The following TAFA2 variants were observed in gnomAD, a reference collection of about 807,000 sequenced individuals.
The protein encoded by TAFA2 is chemokine-like protein TAFA-2.
A neutral mutation model predicts 18.8 loss-of-function variants in TAFA2; 7 were observed. That is an observed-to-expected ratio of 0.37 (90% CI 0.21 to 0.70). The LOEUF is 0.70. Ranked by LOEUF, TAFA2 falls within the 30% of genes least tolerant of loss-of-function variation. TAFA2 has a pLI of 0.53. For missense variants in TAFA2, 122 were observed against 158.1 expected (o/e 0.77, Z 1.23); for synonymous variants, 60 against 54.2 (o/e 1.11, Z -0.47).
intron 2 of TAFA2, among the ~76,000 whole-genome samples, chr12:61,865,677 AG>A (rs1874323843): frequency 6.6e-6 from 1 of 152,230 alleles, no homozygotes; most frequent in African/African-American, 2.4e-5. Context: ...GTCTTAAAGT[AG>A]CTTTAACAAT....
intron 1 of TAFA2, among the ~76,000 whole-genome samples, chr12:62,055,337 A>C (rs1390781751): frequency 6.6e-6 from 1 of 152,232 alleles, no homozygotes; most frequent in African/African-American, 2.4e-5. Context: ...CATATACTTC[A>C]GAATACTAAA....
At chr12:62,118,369 A>G (rs1870050906) in intron 1 of TAFA2, among the ~76,000 whole-genome samples, 1 of 151,744 alleles carries the variant, frequency 6.6e-6, no homozygotes, top group South Asian at 2.1e-4. Context: ...TTATTCATCC[A>G]CTCTCCTACT....
At chr12:62,245,499 A>C (rs948503428) in intron 1 of TAFA2, among the ~76,000 whole-genome samples, 1 of 151,532 alleles carries the variant, frequency 6.6e-6, no homozygotes, top group African/African-American at 2.4e-5. Context: ...TTTTCCTCTT[A>C]TCTCACAATT....
At chr12:61,887,454 T>G (rs368198077) in intron 1 of TAFA2, among the ~76,000 whole-genome samples, 150 of 152,092 alleles carry the variant, frequency 9.9e-4, no homozygotes, top group African/African-American at 3.4e-3. Flanking sequence ...TTTATTATAC[T>G]TTAAGTTTTA....
At chr12:62,085,996 T>G (rs1317746361) in intron 1 of TAFA2, among the ~76,000 whole-genome samples, 3 of 152,092 alleles carry the variant, frequency 2.0e-5, no homozygotes, top group Non-Finnish European at 4.4e-5. Flanking sequence ...TGAAGAAGTT[T>G]CTTGCTTTCC....
rs571504735 is a variant in TAFA2 at position 61,909,014 on chromosome 12, C to A, written c.-1-41588G>T. On this transcript the variant is annotated intron_variant, in intron 1 of 4. Transcript: ENST00000416284. ...AGGAAGCAAGTTTTGCGTGAAGGAG[C>A]CTGCACTTCACTGTCGGACAGTTAC... Among the ~76,000 whole-genome samples, 266 of 152,246 alleles carry A rather than the reference C, an allele frequency of 1.7e-3. 1 individual carries two copies. Among genetic ancestry groups the A allele is most frequent in the Non-Finnish European group, 3.3e-3 (225 of 68,018 alleles).
intron 2 of TAFA2, among the ~76,000 whole-genome samples, chr12:61,791,393 AG>A (rs1313529906): frequency 6.6e-6 from 1 of 151,862 alleles, no homozygotes; most frequent in Non-Finnish European, 1.5e-5. Flanking sequence ...CATACAAAAA[AG>A]CTTCAGCATA....
At chr12:62,181,864 T>C (rs1340843538) in intron 1 of TAFA2, among the ~76,000 whole-genome samples, 1 of 152,142 alleles carries the variant, frequency 6.6e-6, no homozygotes, top group African/African-American at 2.4e-5. Context: ...TTCAATCCTA[T>C]AGGAATCACT....
At chr12:61,727,209 T>C (rs1870208590) in intron 4 of TAFA2, among the ~76,000 whole-genome samples, 1 of 151,876 alleles carries the variant, frequency 6.6e-6, no homozygotes. Flanking sequence ...GTTATCTGGT[T>C]TTGAAATTAA....
chr12:61,793,319 T>C (rs1565635702), intron 2 of TAFA2, among the ~76,000 whole-genome samples: 1 of 151,334 alleles, frequency 6.6e-6, no homozygotes, highest in African/African-American at 2.4e-5. Flanking sequence ...AACCAAAATA[T>C]GATTCTTTGA....
intron 1 of TAFA2, among the ~76,000 whole-genome samples, chr12:62,174,061 G>A (rs2062496043): frequency 6.6e-6 from 1 of 152,218 alleles, no homozygotes; most frequent in African/African-American, 2.4e-5. Flanking sequence ...GGAGGCCAAG[G>A]TGGGCGGATC....
intron 1 of TAFA2, among the ~76,000 whole-genome samples, chr12:62,120,488 G>T (rs1426183223): frequency 6.6e-6 from 1 of 152,172 alleles, no homozygotes. Context: ...CATTGGCATA[G>T]AAAATGTTGA....
intron 4 of TAFA2, among the ~76,000 whole-genome samples, chr12:61,730,572 G>A (rs1490489861): frequency 1.3e-5 from 2 of 151,948 alleles, no homozygotes; most frequent in Non-Finnish European, 1.5e-5. Flanking sequence ...ACTCTCCATG[G>A]GCAGGGCTTG....
intron 1 of TAFA2, among the ~76,000 whole-genome samples, chr12:62,057,965 G>T (rs1304944564): frequency 6.6e-6 from 1 of 152,000 alleles, no homozygotes; most frequent in African/African-American, 2.4e-5. Flanking sequence ...TTTAATGAAG[G>T]ATCACCCAAT....
At chr12:62,169,850 C>CAA (rs11373929) in intron 1 of TAFA2, among the ~76,000 whole-genome samples, 12,376 of 89,632 alleles carry the variant, frequency 0.14, 903 homozygotes, top group Non-Finnish European at 0.19. Context: ...GACTCCGTCT[C>CAA]AAAAAAAAAA....
chr12:61,765,600 G>C (rs1356197138), intron 2 of TAFA2, among the ~76,000 whole-genome samples: 3 of 152,194 alleles, frequency 2.0e-5, no homozygotes, highest in South Asian at 2.1e-4. Flanking sequence ...TTTTATCTCT[G>C]TAAGCATCAG....
intron 1 of TAFA2, among the ~76,000 whole-genome samples, chr12:61,924,491 G>A (rs999238638): frequency 1.3e-5 from 2 of 152,124 alleles, no homozygotes; most frequent in African/African-American, 4.8e-5. Flanking sequence ...GTCAAACTAA[G>A]CTTCATAAGC....
chr12:61,774,801 C>G (rs140375607), intron 2 of TAFA2, among the ~76,000 whole-genome samples: 1 of 151,198 alleles, frequency 6.6e-6, no homozygotes, highest in Non-Finnish European at 1.5e-5. Flanking sequence ...TCTGCATAAA[C>G]CTATTGAAAT....
In TAFA2 at chr12:62,124,162, A is replaced by G. The variant is rs80317276; in HGVS notation, c.-2+67097T>C. ...TCATCAGAGAATCGCAAAGATTGCA[A>G]AGATAATGATATAAAACTGTACAGA... is the stretch of plus-strand genomic sequence containing the variant. On this transcript the variant is annotated intron_variant, in intron 1 of 4. Transcript: ENST00000416284. Among the ~76,000 whole-genome samples, 848 of 152,282 alleles carry G rather than the reference A, an allele frequency of 5.6e-3. 12 individuals carry two copies. The highest frequency in any genetic ancestry group is 0.019 in the African/African-American group (781 of 41,558).
Sources: allele counts gnomAD v4.1 joint callset (sites outside exome capture counted in the v4.1 genomes callset), GRCh38; gene constraint gnomAD v4.1.1; transcripts MANE v1.5; gene names NCBI Gene and HGNC (gene_info 2026-07-23, HGNC 2026-07-21).